The following CAMK2D variants were observed in gnomAD, a reference collection of about 807,000 sequenced individuals.
The protein encoded by CAMK2D is calcium/calmodulin dependent protein kinase II delta, also known as calcium/calmodulin-dependent protein kinase type II subunit delta.
A neutral mutation model predicts 84.0 loss-of-function variants in CAMK2D; 37 were observed. The ratio of observed to expected loss-of-function variants is 0.44; its 90% CI spans 0.34 to 0.58. CAMK2D has a LOEUF of 0.58. Ranked by LOEUF, CAMK2D falls within the 20% of genes least tolerant of loss-of-function variation. CAMK2D has a pLI of 0.02. For missense variants in CAMK2D, 448 were observed against 652.5 expected (o/e 0.69, Z 3.41); for synonymous variants, 202 against 212.5 (o/e 0.95, Z 0.43).
intron 16 of CAMK2D, among the ~76,000 whole-genome samples, chr4:113,483,876 T>A (rs143774475): frequency 3.5e-4 from 53 of 152,124 alleles, no homozygotes; most frequent in Non-Finnish European, 7.3e-5. Context: ...GTAAAGAAAA[T>A]GCCCAATTTT....
chr4:113,609,246 T>C, intron 3 of CAMK2D, 40 bp from the exon 4 acceptor site: 2 of 1,070,724 alleles, frequency 1.9e-6, no homozygotes, highest in South Asian at 2.5e-5. Context: ...GTTATACCTA[T>C]TCCAACGATC....
At chr4:113,530,415 G>C (rs1240191180) in intron 8 of CAMK2D, among the ~76,000 whole-genome samples, 3 of 152,110 alleles carry the variant, frequency 2.0e-5, no homozygotes, top group Non-Finnish European at 4.4e-5. Flanking sequence ...AATCAACGTT[G>C]GCACTCAAAA....
chr4:113,459,638 CTTTT>C (rs35827287), intron 18 of CAMK2D, among the ~76,000 whole-genome samples: 1 of 133,424 alleles, frequency 7.5e-6, no homozygotes, highest in Non-Finnish European at 1.6e-5. Flanking sequence ...ATCAACATTA[CTTTT>C]TTTTTTTTTT....
intron 2 of CAMK2D, among the ~76,000 whole-genome samples, chr4:113,701,487 A>G (rs1252834380): frequency 6.6e-6 from 1 of 152,196 alleles, no homozygotes; most frequent in Admixed American, 6.5e-5. Flanking sequence ...GAGAGAAGCT[A>G]GGCCAAAGCA....
At chr4:113,760,912 C>A in intron 1 of CAMK2D, 92 bp downstream of exon 1, 1 of 1,537,942 alleles carries the variant, frequency 6.5e-7, no homozygotes, top group South Asian at 1.1e-5. Context: ...CCCAAACTCC[C>A]TCGCCCCAAG....
At chr4:113,610,276 A>C (rs2098994560) in intron 3 of CAMK2D, among the ~76,000 whole-genome samples, 1 of 152,086 alleles carries the variant, frequency 6.6e-6, no homozygotes, top group African/African-American at 2.4e-5. Context: ...TGGTGGCTTG[A>C]TCTTCACTGG....
intron 4 of CAMK2D, among the ~76,000 whole-genome samples, chr4:113,606,311 A>C (rs926799831): frequency 1.3e-5 from 2 of 152,102 alleles, no homozygotes; most frequent in Non-Finnish European, 2.9e-5. Flanking sequence ...TCTACTAAAA[A>C]TACAAAAAAA....
At position 113,602,283 on chromosome 4, in the gene CAMK2D, C is replaced by T. The variant is rs578200771; in HGVS notation, c.275+6869G>A. 2.8e-3 allele frequency among the ~76,000 whole-genome samples: 427 copies of T among 152,056 alleles called. 2 individuals carry two copies. The highest frequency in any genetic ancestry group is 3.4e-3 in the Middle Eastern group (1 of 294). ...GTATTCACTCAACAAACACATAATA[C>T]GGATTTTCTCTGACATACAGTTCCT... On this transcript the variant is annotated intron_variant, in intron 4 of 20. Transcript: ENST00000511664.
In CAMK2D at chr4:113,622,034, C is replaced by CT. The variant is rs200986794; in HGVS notation, c.221-12829dup. 2.6e-5 allele frequency among the ~76,000 whole-genome samples: 4 copies of CT among 151,942 alleles called. No individual in the cohort carries two copies. The East Asian group carries it at 5.8e-4, about 22-fold the overall frequency. On this transcript the variant is annotated intron_variant, in intron 3 of 20. Transcript: ENST00000511664. ...CAAACAACATACTTTTCTGATTTTTCTTTTTTTTCAAAATTAACTTGCTAT... is the reference window on the plus strand; with the variant it reads ...CAAACAACATACTTTTCTGATTTTTCTTTTTTTTTCAAAATTAACTTGCTAT...
chr4:113,656,287 C>T (rs1460531713), intron 3 of CAMK2D, among the ~76,000 whole-genome samples: 1 of 152,120 alleles, frequency 6.6e-6, no homozygotes, highest in African/African-American at 2.4e-5. Context: ...TAAAAACGGG[C>T]TGTACTCTAC....
At chr4:113,462,338 G>GTCTGTCTGTCTATCTA (rs1554637439) in intron 17 of CAMK2D, among the ~76,000 whole-genome samples, 1 of 130,448 alleles carries the variant, frequency 7.7e-6, no homozygotes, top group Non-Finnish European at 1.6e-5. Context: ...CTGTCTGTCT[G>GTCTGTCTGTCTATCTA]TCTATCTATC....
At chr4:113,669,533 C>T (rs11098198) in intron 2 of CAMK2D, among the ~76,000 whole-genome samples, 57,999 of 151,870 alleles carry the variant, frequency 0.38, 11,722 homozygotes, top group African/African-American at 0.52. Context: ...TTTGGAAGAT[C>T]AAGGAAGGAG....
chr4:113,733,922 G>GTACATACTAAATAT, intron 2 of CAMK2D, among the ~76,000 whole-genome samples: 2 of 152,082 alleles, frequency 1.3e-5, no homozygotes, highest in Non-Finnish European at 2.9e-5. Context: ...CCAAAGGGTA[G>GTACATACTAAATAT]GCTAAATATG....
At position 113,660,606 on chromosome 4, in the gene CAMK2D, G is replaced by A. The variant is rs189211137; in HGVS notation, c.220+1107C>T. 9.3e-4 allele frequency among the ~76,000 whole-genome samples: 141 copies of A among 152,042 alleles called. 1 individual carries two copies. Among genetic ancestry groups the A allele is most frequent in the African/African-American group, 3.2e-3 (134 of 41,470 alleles). On this transcript the variant is annotated intron_variant, in intron 3 of 20. Coordinates refer to ENST00000511664, the MANE Select transcript of CAMK2D (RefSeq NM_001321571.2). The stretch of plus-strand genomic sequence containing the variant: ...TGGTCTTGCCATATTGCCCAGGCTG[G>A]TCTCAAACTCCTAGGTTCAAGCGAT...
intron 7 of CAMK2D, among the ~76,000 whole-genome samples, chr4:113,532,131 G>A (rs2098462767): frequency 6.6e-6 from 1 of 151,968 alleles, no homozygotes; most frequent in African/African-American, 2.4e-5. Context: ...AAGTGTCCAA[G>A]AAAGAAACTT....
intron 2 of CAMK2D, among the ~76,000 whole-genome samples, chr4:113,736,606 C>A (rs2099581982): frequency 6.6e-6 from 1 of 152,168 alleles, no homozygotes; most frequent in Admixed American, 6.5e-5. Flanking sequence ...AGATTCCCTG[C>A]AAGTCTAGGA....
In CAMK2D at chr4:113,607,770, C is replaced by T. The variant is rs181231556; in HGVS notation, c.275+1382G>A. 8.5e-5 allele frequency among the ~76,000 whole-genome samples: 13 copies of T among 152,304 alleles called. No individual in the cohort carries two copies. The East Asian group carries it at 2.5e-3, about 29-fold the overall frequency. ...GGTGACTAAAAAGCGTTACTGCTCA[C>T]ACAAAGCCTGTTTGGTGGTCTCTTC... On this transcript the variant is annotated intron_variant, in intron 4 of 20. Transcript: ENST00000511664.
At chr4:113,492,633 A>C (rs2097860054) in intron 16 of CAMK2D, among the ~76,000 whole-genome samples, 1 of 150,886 alleles carries the variant, frequency 6.6e-6, no homozygotes, top group East Asian at 2.0e-4. Context: ...TTTGGGGTGG[A>C]GAGTTCTGTA....
At chr4:113,455,276 A>G (rs773547499) in intron 20 of CAMK2D, among the ~76,000 whole-genome samples, 6 of 152,202 alleles carry the variant, frequency 3.9e-5, no homozygotes, top group Non-Finnish European at 8.8e-5. Context: ...GTCAAGTACC[A>G]TTATACTCAG....
Sources: gnomAD v4.1 joint callset for allele counts (sites outside exome capture counted in the v4.1 genomes callset) on GRCh38, gnomAD v4.1.1 for gene constraint, MANE v1.5 for transcripts, NCBI Gene and HGNC (gene_info 2026-07-23, HGNC 2026-07-21) for gene names.